The following MBOAT2 variants were observed in gnomAD, a reference collection of about 807,000 sequenced individuals.
The protein encoded by MBOAT2 is membrane bound glycerophospholipid O-acyltransferase 2.
In MBOAT2, 28 loss-of-function variants were observed where a neutral mutation model predicts 63.4. That is an observed-to-expected ratio of 0.44 (90% confidence interval 0.33 to 0.61). The LOEUF (loss-of-function observed/expected upper bound fraction) is 0.61. Ranked by LOEUF, MBOAT2 falls within the 20% of genes least tolerant of loss-of-function variation. The pLI, the probability that MBOAT2 is intolerant of heterozygous loss-of-function variation, is 0.03. For missense variants in MBOAT2, 470 were observed against 605.8 expected (o/e 0.78, Z 2.35); for synonymous variants, 211 against 215.6 (o/e 0.98, Z 0.19).
At chr2:8,997,692 C>G (rs1672402960) in intron 1 of MBOAT2, among the ~76,000 whole-genome samples, 1 of 152,164 alleles carries the variant, frequency 6.6e-6, no homozygotes, top group East Asian at 1.9e-4. Flanking sequence ...TCAATCTTCA[C>G]AATAACCTAC....
intron 3 of MBOAT2, among the ~76,000 whole-genome samples, chr2:8,941,713 T>TA (rs1668064716): frequency 1.3e-5 from 2 of 151,950 alleles, no homozygotes; most frequent in Non-Finnish European, 2.9e-5. Flanking sequence ...TAAGTTTTAA[T>TA]TAATTTAAAC....
chr2:8,958,740 A>G, intron 1 of MBOAT2, 98 bp from the exon 2 acceptor site: 2 of 1,191,674 alleles, frequency 1.7e-6, no homozygotes, highest in South Asian at 1.9e-5. Flanking sequence ...CCAAGGTTAC[A>G]CAAAAATTGA....
chr2:8,868,393 C>T, intron 9 of MBOAT2, 53 bp downstream of exon 9: 2 of 1,466,270 alleles, frequency 1.4e-6, no homozygotes, highest in Non-Finnish European at 1.9e-6. Context: ...CTTATGAAAG[C>T]AAACTATGGT....
chr2:8,950,927 T>C (rs911186480), intron 2 of MBOAT2, among the ~76,000 whole-genome samples: 7 of 152,222 alleles, frequency 4.6e-5, no homozygotes, highest in African/African-American at 1.7e-4. Flanking sequence ...ATTCTATTTA[T>C]GTGGTGAACC....
chr2:8,898,328 C>T (rs991531264), intron 4 of MBOAT2, among the ~76,000 whole-genome samples: 10 of 152,058 alleles, frequency 6.6e-5, no homozygotes, highest in Non-Finnish European at 8.8e-5. Context: ...TTGCTGTATC[C>T]GGGGATCCAT....
intron 3 of MBOAT2, among the ~76,000 whole-genome samples, chr2:8,913,911 T>C (rs1433519792): frequency 1.2e-4 from 19 of 152,196 alleles, no homozygotes; most frequent in Admixed American, 1.2e-3. Context: ...TGCAAAATCG[T>C]GGAACCAACC....
intron 2 of MBOAT2, among the ~76,000 whole-genome samples, chr2:8,948,007 T>C (rs1401504090): frequency 6.6e-6 from 1 of 152,188 alleles, no homozygotes; most frequent in Non-Finnish European, 1.5e-5. Flanking sequence ...GGATTCACCA[T>C]TCTAGATGCC....
intron 3 of MBOAT2, among the ~76,000 whole-genome samples, chr2:8,924,157 G>A (rs189801313): frequency 6.6e-6 from 1 of 152,256 alleles, no homozygotes; most frequent in East Asian, 1.9e-4. Flanking sequence ...ATCAGCACAA[G>A]ACAGCCATGC....
chr2:8,887,273 C>T (rs1374032757), intron 5 of MBOAT2, among the ~76,000 whole-genome samples: 1 of 152,126 alleles, frequency 6.6e-6, no homozygotes, highest in African/African-American at 2.4e-5. Flanking sequence ...TCCACCACCC[C>T]CTCAAAAAAC....
intron 4 of MBOAT2, among the ~76,000 whole-genome samples, chr2:8,906,202 G>T (rs1390928131): frequency 6.6e-6 from 1 of 152,194 alleles, no homozygotes; most frequent in Non-Finnish European, 1.5e-5. Flanking sequence ...ACCTGCCTTG[G>T]CCTCCCAAAG....
Position 8,866,242 on chromosome 2 carries a change from A to C in MBOAT2, c.988-2008T>G, listed in dbSNP as rs540589830. Among the ~76,000 whole-genome samples, 25 of 152,248 alleles carry C rather than the reference A, an allele frequency of 1.6e-4. 1 individual carries two copies. Among genetic ancestry groups the C allele is most frequent in the Admixed American group, 1.6e-3 (25 of 15,296 alleles). ...AGATGAAAATTCGTTCTTAAGGGGC[A>C]AAAATATCTTTTTTTATGTATAAAG... is the stretch of plus-strand genomic sequence containing the variant. On this transcript the variant is annotated intron_variant, in intron 9 of 12. Transcript: ENST00000305997.
At chr2:9,000,482 C>T (rs549669825) in intron 1 of MBOAT2, among the ~76,000 whole-genome samples, 1 of 152,230 alleles carries the variant, frequency 6.6e-6, no homozygotes, top group Non-Finnish European at 1.5e-5. Flanking sequence ...CTTATTATCA[C>T]TATGAAAAGT....
At position 8,877,136 on chromosome 2, in the gene MBOAT2, T is replaced by A. The variant is rs1662754610; in HGVS notation, c.584A>T (p.Tyr195Phe). 1 of 1,614,188 alleles carries A rather than the reference T, an allele frequency of 6.2e-7. No homozygotes were observed. The highest frequency in any genetic ancestry group is 1.3e-5 in the African/African-American group (1 of 75,058). Residue 195 changes from tyrosine to phenylalanine, a missense_variant, in exon 7 of 13, where the codon TAC becomes TTC. Transcript: ENST00000305997. ...MGILAGPLCS[Y>F]KDYITFIEGR... ...TTCAATGAAAGTAATGTAGTCTTTGTAAGAGCAAAGTGGGCCTGCCAGGAT... is the reference window on the plus strand; with the variant it reads ...TTCAATGAAAGTAATGTAGTCTTTGAAAGAGCAAAGTGGGCCTGCCAGGAT...
At chr2:8,905,662 G>A in intron 4 of MBOAT2, among the ~76,000 whole-genome samples, 1 of 152,120 alleles carries the variant, frequency 6.6e-6, no homozygotes, top group East Asian at 1.9e-4. Context: ...TTGTGTGGTG[G>A]GGGGATGGGG....
intron 6 of MBOAT2, among the ~76,000 whole-genome samples, chr2:8,879,536 T>C (rs1352017838): frequency 1.3e-5 from 2 of 152,220 alleles, no homozygotes; most frequent in Non-Finnish European, 2.9e-5. Context: ...CTATTTCATA[T>C]CAACTATGTG....
At chr2:8,984,242 A>G (rs1165500560) in intron 1 of MBOAT2, among the ~76,000 whole-genome samples, 2 of 152,172 alleles carry the variant, frequency 1.3e-5, no homozygotes, top group Non-Finnish European at 2.9e-5. Flanking sequence ...GGTTGGGGTG[A>G]GGGGAAAATA....
At chr2:8,871,171 T>A (rs1004622832) in intron 8 of MBOAT2, among the ~76,000 whole-genome samples, 41 of 151,996 alleles carry the variant, frequency 2.7e-4, no homozygotes, top group Admixed American at 3.9e-4. Context: ...ATTAAAAAAA[T>A]TTTTTTTGAA....
At chr2:8,938,159 T>C (rs151112833) in intron 3 of MBOAT2, among the ~76,000 whole-genome samples, 11 of 152,330 alleles carry the variant, frequency 7.2e-5, no homozygotes, top group African/African-American at 2.6e-4. Context: ...ATATACTAAA[T>C]AAATGCTAGA....
intron 1 of MBOAT2, among the ~76,000 whole-genome samples, chr2:8,997,294 C>T (rs1251329983): frequency 1.3e-5 from 2 of 152,106 alleles, no homozygotes; most frequent in African/African-American, 4.8e-5. Context: ...GGAAAGTTGG[C>T]CCTGATGGAC....
Sources: gnomAD v4.1 joint callset for allele counts (sites outside exome capture counted in the v4.1 genomes callset) on GRCh38, gnomAD v4.1.1 for gene constraint, MANE v1.5 for transcripts, NCBI Gene and HGNC (gene_info 2026-07-23, HGNC 2026-07-21) for gene names.